The following LAMA3 variants were observed in gnomAD, a reference collection of about 807,000 sequenced individuals.
The protein encoded by LAMA3 is laminin subunit alpha-3.
LAMA3 carries 281 observed loss-of-function variants against 402.0 expected under a neutral mutation model. The ratio of observed to expected loss-of-function variants is 0.70; its 90% CI spans 0.63 to 0.77. The LOEUF (loss-of-function observed/expected upper bound fraction) is 0.77. Among genes scored for constraint, LAMA3 ranks in the 30% least tolerant of loss-of-function variants. The pLI is 0.00. For synonymous variants in LAMA3, 1,431 were observed against 1,558.4 expected (o/e 0.92, Z 1.93); for missense variants, 3,840 against 4,215.5 (o/e 0.91, Z 2.47).
chr18:23,901,624 T>G (rs2081074091), intron 48 of LAMA3, among the ~76,000 whole-genome samples: 1 of 152,184 alleles, frequency 6.6e-6, no homozygotes, highest in South Asian at 2.1e-4. Flanking sequence ...AAATTAATAT[T>G]GCTATAATTA....
In LAMA3 at chr18:23,936,476, G is replaced by A. The variant is rs187857037; in HGVS notation, c.8862+2541G>A. On this transcript the variant is annotated intron_variant, in intron 67 of 74. Coordinates refer to ENST00000313654, the MANE Select transcript of LAMA3 (RefSeq NM_198129.4). Reference sequence around the variant, plus strand: ...CTTAAGACTCTTAAGCACAAAGAACGTGCTCTTCTCCCAGGCACTCAGAGC... The same window carrying A: ...CTTAAGACTCTTAAGCACAAAGAACATGCTCTTCTCCCAGGCACTCAGAGC... Among the ~76,000 whole-genome samples, 1,326 of 145,168 alleles carry A rather than the reference G, an allele frequency of 9.1e-3. 11 individuals carry two copies. Among genetic ancestry groups the A allele is most frequent in the South Asian group, 0.068 (309 of 4,540 alleles).
intron 43 of LAMA3, among the ~76,000 whole-genome samples, 159 bp from the exon 44 acceptor site, chr18:23,894,748 T>C (rs1020362830): frequency 6.6e-6 from 1 of 152,200 alleles, no homozygotes; most frequent in Non-Finnish European, 1.5e-5. Flanking sequence ...GGGCTCTCCT[T>C]TTTTCAGAAT....
intron 62 of LAMA3, among the ~76,000 whole-genome samples, chr18:23,927,876 T>TG (rs1442069938): frequency 3.3e-5 from 5 of 152,244 alleles, no homozygotes; most frequent in Non-Finnish European, 7.3e-5. Context: ...TTGCGGCCAC[T>TG]GGCCATTCTT....
chr18:23,920,908 G>T, intron 60 of LAMA3, 27 bp from the exon 61 acceptor site: 1 of 1,613,310 alleles, frequency 6.2e-7, no homozygotes, highest in Non-Finnish European at 8.5e-7. Context: ...AAGCCTTCTG[G>T]TCATCTGCAT....
At chr18:23,714,389 G>C (rs1348599691) in intron 2 of LAMA3, among the ~76,000 whole-genome samples, 2 of 151,990 alleles carry the variant, frequency 1.3e-5, no homozygotes, top group Non-Finnish European at 2.9e-5. Flanking sequence ...GTGTGGTGGC[G>C]GATGCGTGTA....
intron 6 of LAMA3, among the ~76,000 whole-genome samples, chr18:23,754,263 G>A (rs750635528): frequency 6.6e-6 from 1 of 152,126 alleles, no homozygotes; most frequent in Non-Finnish European, 1.5e-5. Context: ...TCACGTTGTT[G>A]TGCAACCAAT....
chr18:23,942,337 G>A (rs1416608430), intron 68 of LAMA3, among the ~76,000 whole-genome samples: 6 of 152,040 alleles, frequency 3.9e-5, no homozygotes, highest in African/African-American at 1.2e-4. Context: ...ACCCTTTCAC[G>A]CACACCTTTA....
At chr18:23,810,314 C>G (rs1471429638) in intron 12 of LAMA3, 52 bp from the exon 13 acceptor site, 1 of 1,607,110 alleles carries the variant, frequency 6.2e-7, no homozygotes, top group Non-Finnish European at 8.5e-7. Context: ...TGGTTCTTCC[C>G]CCTCCCATAC....
intron 2 of LAMA3, among the ~76,000 whole-genome samples, chr18:23,733,428 GA>G (rs768528982): frequency 4.6e-4 from 70 of 152,126 alleles, no homozygotes; most frequent in Non-Finnish European, 6.9e-4. Flanking sequence ...GAGAGAATGA[GA>G]ACCAAGCAAA....
chr18:23,810,003 A>C (rs2063036615), intron 12 of LAMA3, among the ~76,000 whole-genome samples: 1 of 152,172 alleles, frequency 6.6e-6, no homozygotes, highest in African/African-American at 2.4e-5. Flanking sequence ...CAGAATCCCC[A>C]AAACCATCAC....
At position 23,907,791 on chromosome 18, in the gene LAMA3, A is replaced by T; in HGVS notation, c.6871A>T (p.Met2291Leu). 1 of 1,614,220 alleles carries T rather than the reference A, an allele frequency of 6.2e-7. No homozygotes were observed. ...TGCTATGATCAGTAGTGCAAAGAGC[A>T]TGGTCAGAAAGGCCAACGACATCAC... Reference protein sequence around the residue: ...IDAMISSAKSMVRKANDITDE... With the variant: ...IDAMISSAKSLVRKANDITDE... Residue 2291 changes from methionine to leucine, a missense_variant, in exon 54 of 75, where the codon ATG becomes TTG. Met to Leu is a conservative substitution (Grantham distance 15, BLOSUM62 2). Around this residue, in one of 3 missense-constraint regions of LAMA3, gnomAD observed 891 missense variants for 857.5 expected, o/e 1.04. Transcript: ENST00000313654.
At position 23,824,444 on chromosome 18, in the gene LAMA3, T is replaced by A; in HGVS notation, c.2450T>A (p.Ile817Asn). 6.2e-7 allele frequency: 1 copy of A among 1,614,150 alleles called. No homozygotes were observed. The highest frequency in any genetic ancestry group is 1.1e-5 in the South Asian group (1 of 91,084). Residue 817 changes from isoleucine (I) to asparagine (N), a missense_variant, in exon 21 of 75, where the codon ATC becomes AAC. Ile to Asn is a moderately radical substitution (Grantham distance 149). Around this residue, in one of 3 missense-constraint regions of LAMA3, gnomAD observed 2,109 missense variants for 2,376.0 expected, o/e 0.89. Coordinates refer to ENST00000313654, the MANE Select transcript of LAMA3 (RefSeq NM_198129.4). ...PSWGAAQSKE[I>N]IFLPSKEPAF... ...ATAGGTGCTGCTCAAAGCAAAGAGA[T>A]CATCTTCCTGCCGAGTAAGGAGCCA...
rs755909178 is a variant in LAMA3, at chr18:23,833,954, G to T, written c.2950G>T (p.Ala984Ser). 1 of 1,614,102 alleles carries T rather than the reference G, an allele frequency of 6.2e-7. No homozygotes were observed. Among genetic ancestry groups the T allele is most frequent in the Non-Finnish European group, 8.5e-7 (1 of 1,180,054 alleles). The change falls in exon 24 of 75, where the codon GCA becomes TCA. Residue 984 changes from alanine (A) to serine (S), a missense_variant. This residue lies in a region of LAMA3 where 2,109 missense variants were observed against 2,376.0 expected (regional missense o/e 0.89). Coordinates refer to ENST00000313654, the MANE Select transcript of LAMA3 (RefSeq NM_198129.4). ...TGTGAAGAGCTCCGGGTCTGTTCTG[G>T]CAGGCCAGGTGAACATTTACAGCTG... The part of the protein sequence containing the change: ...VNVKSSGSVL[A>S]GQVNIYSCNY...
rs768525892 is a variant in LAMA3, at chr18:23,879,389, C to G, written c.5113-2547C>G. ...AATGCCCTTCCCTCACTTCTGCGCT[C>G]AGTGAATCCCTGTCCTTCTGCGGCC... On this transcript the variant is annotated intron_variant, in intron 39 of 74. Coordinates refer to ENST00000313654, the MANE Select transcript of LAMA3 (RefSeq NM_198129.4). This position sits in a 1 kb window ranked among gnomAD's most constrained non-coding sequence, Gnocchi z 4.2. 8.5e-5 allele frequency among the ~76,000 whole-genome samples: 13 copies of G among 152,198 alleles called. No homozygotes were observed. Among genetic ancestry groups the G allele is most frequent in the South Asian group, 2.1e-4 (1 of 4,836 alleles).
At chr18:23,735,130 C>T (rs1369713409) in intron 2 of LAMA3, among the ~76,000 whole-genome samples, 5 of 152,200 alleles carry the variant, frequency 3.3e-5, no homozygotes, top group South Asian at 2.1e-4. Flanking sequence ...TGTGACTCCC[C>T]CTTGGGTACA....
At chr18:23,954,431 T>C in intron 74 of LAMA3, 72 bp from the exon 75 acceptor site, 1 of 1,315,612 alleles carries the variant, frequency 7.6e-7, no homozygotes, top group Non-Finnish European at 1.1e-6. Context: ...AAATACTATC[T>C]TTTAAAATCC....
At chr18:23,715,920 C>A (rs1372705291) in intron 2 of LAMA3, among the ~76,000 whole-genome samples, 1 of 152,140 alleles carries the variant, frequency 6.6e-6, no homozygotes, top group African/African-American at 2.4e-5. Flanking sequence ...TTCGATTGGG[C>A]AGTTTTGTGA....
rs564764570 is a variant in LAMA3, at chr18:23,720,501, C to T, written c.447+6429C>T. ...TCCCGAGTAGCTGGGACTACAGGCA[C>T]GGACCACCACACCCAGCTAATTTTT... is the stretch of plus-strand genomic sequence containing the variant. On this transcript the variant is annotated intron_variant, in intron 2 of 74. Coordinates refer to ENST00000313654, the MANE Select transcript of LAMA3 (RefSeq NM_198129.4). Among the ~76,000 whole-genome samples the T allele has an allele frequency of 1.7e-3, 255 of 152,064 alleles. 2 individuals carry two copies. In the South Asian group the frequency reaches 0.018, roughly 11 times the overall value.
chr18:23,842,618 C>G lies in LAMA3; in HGVS notation c.3471C>G (p.Phe1157Leu). The part of the protein sequence containing the change: ...VDGGWPRAGS[F>L]HASFCPHVLG... ...TCTCTCTCTCTCTGCCAGGCTCCTT[C>G]CATGCCTCTTTTTGCCCCCATGTGC... Residue 1157 changes from phenylalanine (F) to leucine (L), a missense_variant, in exon 29 of 75, where the codon TTC becomes TTG. Physicochemically the swap from Phe to Leu is conservative, Grantham distance 22. Transcript: ENST00000313654. 1 of 1,614,220 alleles carries G rather than the reference C, an allele frequency of 6.2e-7. No homozygotes were observed. Among genetic ancestry groups the G allele is most frequent in the South Asian group, 1.1e-5 (1 of 91,082 alleles).
Sources: allele counts gnomAD v4.1 joint callset (sites outside exome capture counted in the v4.1 genomes callset), GRCh38; gene constraint gnomAD v4.1.1; regional missense constraint gnomAD v4.1.1; non-coding constraint Gnocchi (gnomAD v3.1); transcripts MANE v1.5; gene names NCBI Gene and HGNC (gene_info 2026-07-23, HGNC 2026-07-21).